Variants in LIPC observed in about 807,000 individuals in gnomAD.
The protein encoded by LIPC is lipase C, hepatic type, also known as hepatic triacylglycerol lipase.
In LIPC, 44 loss-of-function variants were observed where a neutral mutation model predicts 50.7. The observed-to-expected ratio is 0.87, with a 90% CI of 0.68 to 1.11. The LOEUF (loss-of-function observed/expected upper bound fraction) is 1.11, where lower values mean the gene tolerates loss of function less well. LIPC is among the 50% of genes most tolerant of loss of function. The pLI, the probability that LIPC is intolerant of heterozygous loss-of-function variation, is 0.00. For missense variants in LIPC, 697 were observed against 648.2 expected (o/e 1.08, Z -0.82); for synonymous variants, 271 against 256.4 (o/e 1.06, Z -0.54).
intron 7 of LIPC, among the ~76,000 whole-genome samples, chr15:58,561,407 T>C (rs1389955250): frequency 7.1e-6 from 1 of 141,670 alleles, no homozygotes; most frequent in African/African-American, 2.6e-5. Context: ...TATCTAAAGA[T>C]CTAGAATCAA....
chr15:58,463,248 C>G (rs914855347), intron 1 of LIPC, among the ~76,000 whole-genome samples: 1 of 152,256 alleles, frequency 6.6e-6, no homozygotes, highest in East Asian at 1.9e-4. Context: ...GTCATTCACT[C>G]CAGGGTCCTG....
chr15:58,547,063 G>A (rs1331530178), intron 5 of LIPC, among the ~76,000 whole-genome samples: 1 of 151,932 alleles, frequency 6.6e-6, no homozygotes, highest in African/African-American at 2.4e-5. Flanking sequence ...ATGGTGTATG[G>A]GCTTTATTTT....
At chr15:58,523,685 G>A (rs1316402383) in intron 1 of LIPC, among the ~76,000 whole-genome samples, 6 of 152,100 alleles carry the variant, frequency 3.9e-5, no homozygotes, top group African/African-American at 4.8e-5. Context: ...TTGGGAGCCC[G>A]AGGCAGGAGG....
At chr15:58,441,789 A>C (rs907337733) in intron 1 of LIPC, among the ~76,000 whole-genome samples, 1 of 152,342 alleles carries the variant, frequency 6.6e-6, no homozygotes, top group Non-Finnish European at 1.5e-5. Flanking sequence ...GGGAAGATGA[A>C]AACAGGGCTG....
chr15:58,466,904 G>A (rs1335994493), intron 1 of LIPC, among the ~76,000 whole-genome samples: 1 of 151,930 alleles, frequency 6.6e-6, no homozygotes, highest in Non-Finnish European at 1.5e-5. Flanking sequence ...TATCCCAACT[G>A]TTATATATAA....
chr15:58,463,898 G>A (rs1476438346), intron 1 of LIPC, among the ~76,000 whole-genome samples: 1 of 152,086 alleles, frequency 6.6e-6, no homozygotes, highest in Non-Finnish European at 1.5e-5. Context: ...TAAAATGTCT[G>A]ATATTAAACA....
chr15:58,537,261 C>T (rs572577408), intron 1 of LIPC, among the ~76,000 whole-genome samples: 5 of 152,354 alleles, frequency 3.3e-5, no homozygotes, highest in Non-Finnish European at 7.4e-5. Flanking sequence ...TGCAGCACCA[C>T]AGACAGGACA....
intron 1 of LIPC, among the ~76,000 whole-genome samples, chr15:58,477,412 C>T (rs1005504785): frequency 2.0e-5 from 3 of 152,138 alleles, no homozygotes; most frequent in African/African-American, 4.8e-5. Context: ...ACAGATGAGG[C>T]TGTTAGGGAC....
intron 1 of LIPC, among the ~76,000 whole-genome samples, chr15:58,490,363 CA>C (rs2140804310): frequency 6.6e-6 from 1 of 152,302 alleles, no homozygotes; most frequent in African/African-American, 2.4e-5. Flanking sequence ...ATTCGTTTTC[CA>C]AAAGAGCGTA....
intron 1 of LIPC, among the ~76,000 whole-genome samples, chr15:58,536,661 T>A (rs1369907349): frequency 6.6e-6 from 1 of 151,720 alleles, no homozygotes; most frequent in South Asian, 2.1e-4. Flanking sequence ...CTTCCAGGAG[T>A]GAGGGCAAGC....
intron 4 of LIPC, 124 bp from the exon 5 acceptor site, chr15:58,545,618 C>G: frequency 1.3e-6 from 1 of 794,368 alleles, no homozygotes; most frequent in Non-Finnish European, 2.1e-6. Flanking sequence ...AGGGAAGGAT[C>G]AGCCCTACGT....
chr15:58,552,792 A>G (rs1277029662), intron 6 of LIPC, among the ~76,000 whole-genome samples: 7 of 152,158 alleles, frequency 4.6e-5, no homozygotes, highest in African/African-American at 1.7e-4. Context: ...TGGGGTTGGG[A>G]TAAGGAGTGT....
intron 6 of LIPC, among the ~76,000 whole-genome samples, chr15:58,559,379 G>A (rs1313807542): frequency 1.3e-5 from 2 of 152,174 alleles, no homozygotes; most frequent in African/African-American, 4.8e-5. Flanking sequence ...GCACTGTTAG[G>A]ATTCGTGGAT....
chr15:58,567,710 C>T (rs1358224406), intron 8 of LIPC, among the ~76,000 whole-genome samples: 6 of 149,830 alleles, frequency 4.0e-5, no homozygotes, highest in African/African-American at 1.5e-4. Context: ...CTTCTACCTA[C>T]TGATATGAGC....
intron 1 of LIPC, among the ~76,000 whole-genome samples, chr15:58,506,525 T>A (rs1892153309): frequency 6.6e-6 from 1 of 152,154 alleles, no homozygotes; most frequent in Non-Finnish European, 1.5e-5. Flanking sequence ...GCCTATTCCC[T>A]ATCCCTCCCC....
intron 1 of LIPC, among the ~76,000 whole-genome samples, chr15:58,459,393 TTTTC>T (rs1304648582): frequency 2.3e-4 from 27 of 115,598 alleles, no homozygotes; most frequent in Admixed American, 2.0e-3. Flanking sequence ...GAATCGACTT[TTTTC>T]TTTCTTTTTT....
intron 1 of LIPC, among the ~76,000 whole-genome samples, chr15:58,513,817 C>G (rs1164117710): frequency 2.0e-5 from 3 of 152,168 alleles, no homozygotes; most frequent in African/African-American, 4.8e-5. Flanking sequence ...GCTGAGAACC[C>G]CAGGACTCCT....
intron 1 of LIPC, among the ~76,000 whole-genome samples, chr15:58,488,961 G>A (rs1267431291): frequency 6.6e-6 from 1 of 152,134 alleles, no homozygotes; most frequent in Non-Finnish European, 1.5e-5. Flanking sequence ...AAGGCAAGTG[G>A]TCCTGATGGC....
Position 58,499,399 on chromosome 15 carries a change from C to T in LIPC, c.89-38934C>T, listed in dbSNP as rs559166954. Among the ~76,000 whole-genome samples the T allele has an allele frequency of 6.6e-5, 10 of 152,266 alleles. No homozygotes were observed. In the South Asian group the frequency reaches 1.7e-3, roughly 25 times the overall value. ...CTTGTGTCTCTGTTAACTATGTGTC[C>T]AATCTCCCAGGCCCTAAACTAGGAT... On this transcript the variant is annotated intron_variant, in intron 1 of 8. Transcript: ENST00000299022.
Sources: gnomAD v4.1 joint callset for allele counts (sites outside exome capture counted in the v4.1 genomes callset) on GRCh38, gnomAD v4.1.1 for gene constraint, MANE v1.5 for transcripts, NCBI Gene and HGNC (gene_info 2026-07-23, HGNC 2026-07-21) for gene names.